The following PTPRO variants were observed in gnomAD, a reference collection of about 807,000 sequenced individuals.
The protein encoded by PTPRO is protein tyrosine phosphatase receptor type O, also known as receptor-type tyrosine-protein phosphatase O.
In PTPRO, 62 loss-of-function variants were observed where a neutral mutation model predicts 145.2. The observed-to-expected ratio is 0.43, with a 90% confidence interval of 0.35 to 0.53. The LOEUF (loss-of-function observed/expected upper bound fraction) is 0.53, where lower values mean the gene tolerates loss of function less well. PTPRO is among the 20% of genes least tolerant of loss of function. The pLI, the probability that PTPRO is intolerant of heterozygous loss-of-function variation, is 0.01. For missense variants in PTPRO, 1,345 were observed against 1,482.7 expected, an observed-to-expected ratio of 0.91 and a Z score of 1.53; for synonymous variants, 565 against 514.7, an observed-to-expected ratio of 1.10 and a Z score of -1.32.
At chr12:15,548,274 A>G (rs1270034250) in intron 13 of PTPRO, among the ~76,000 whole-genome samples, 1 of 152,200 alleles carries the variant, frequency 6.6e-6, no homozygotes, top group African/African-American at 2.4e-5. Flanking sequence ...CAGAGTTTGC[A>G]AATGTATGGT....
rs1223043007 is a variant in PTPRO at position 15,501,764 on chromosome 12, A to C, written c.806A>C (p.Glu269Ala). The change falls in exon 5 of 27, where the codon GAA (glutamate) becomes GCA (alanine). Residue 269 changes from glutamate (E) to alanine (A), a missense_variant. Transcript: ENST00000281171. ...AAAGAAAAACTCTTCCATTTTACAG[A>C]AGAAACCCCTGAAATTCCCTCGGGC... ...IGKEKLFHFT[E>A]ETPEIPSGNI... is the part of the protein sequence containing the mutation. The C allele has an allele frequency of 6.2e-7, 1 of 1,614,114 alleles. No homozygotes were observed. Among genetic ancestry groups the C allele is most frequent in the East Asian group, 2.2e-5 (1 of 44,842 alleles).
intron 1 of PTPRO, among the ~76,000 whole-genome samples, chr12:15,399,848 C>T (rs148695030): frequency 0.022 from 3,255 of 151,314 alleles, 125 homozygotes; most frequent in African/African-American, 0.074. Flanking sequence ...GTCAGGGGTT[C>T]GAGACCAACC....
At chr12:15,553,543 G>A (rs1201805108) in intron 15 of PTPRO, among the ~76,000 whole-genome samples, 1 of 152,138 alleles carries the variant, frequency 6.6e-6, no homozygotes, top group Non-Finnish European at 1.5e-5. Flanking sequence ...GTAGCAGAGG[G>A]GCCGTTGTGA....
chr12:15,395,809 TCACACACACACACACA>T (rs34553766), intron 1 of PTPRO, among the ~76,000 whole-genome samples: 1 of 147,990 alleles, frequency 6.8e-6, no homozygotes, highest in South Asian at 2.2e-4. Context: ...CAATTAAAGA[TCACACACACACACACA>T]CACACACACA....
At chr12:15,493,494 G>A (rs1388695693) in intron 2 of PTPRO, among the ~76,000 whole-genome samples, 1 of 151,808 alleles carries the variant, frequency 6.6e-6, no homozygotes. Context: ...CCCAAAACAG[G>A]CAAAAGAATT....
intron 7 of PTPRO, among the ~76,000 whole-genome samples, chr12:15,514,032 AC>A: frequency 6.6e-6 from 1 of 152,346 alleles, no homozygotes; most frequent in African/African-American, 2.4e-5. Context: ...CAGCACCTTA[AC>A]CTTTTAGTTG....
intron 25 of PTPRO, among the ~76,000 whole-genome samples, chr12:15,593,141 CA>C (rs1457209397): frequency 6.6e-6 from 1 of 152,188 alleles, no homozygotes; most frequent in African/African-American, 2.4e-5. Context: ...GTGATGACCA[CA>C]AGGGGTAGCT....
At chr12:15,442,886 G>A (rs1940807831) in intron 1 of PTPRO, among the ~76,000 whole-genome samples, 1 of 150,904 alleles carries the variant, frequency 6.6e-6, no homozygotes, top group African/African-American at 2.4e-5. Context: ...TCATTAAATT[G>A]GCCATGCTGC....
At chr12:15,433,718 A>G (rs1229545463) in intron 1 of PTPRO, among the ~76,000 whole-genome samples, 1 of 152,064 alleles carries the variant, frequency 6.6e-6, no homozygotes, top group East Asian at 1.9e-4. Context: ...TGGTTTACAT[A>G]TCTGTTTTTG....
chr12:15,423,169 C>T (rs895237943), intron 1 of PTPRO, among the ~76,000 whole-genome samples: 3 of 152,068 alleles, frequency 2.0e-5, no homozygotes, highest in African/African-American at 7.2e-5. Flanking sequence ...AGCACTGAGC[C>T]CTGACCTACT....
chr12:15,509,305 G>C (rs1045101306), intron 7 of PTPRO, among the ~76,000 whole-genome samples: 8 of 149,524 alleles, frequency 5.4e-5, no homozygotes, highest in Admixed American at 2.0e-4. Flanking sequence ...TTTTTTGTTT[G>C]TTTGTTTGTT....
At chr12:15,509,099 A>T (rs896510493) in intron 7 of PTPRO, among the ~76,000 whole-genome samples, 1 of 152,244 alleles carries the variant, frequency 6.6e-6, no homozygotes, top group Admixed American at 6.5e-5. Context: ...TCTAATGAGA[A>T]CAATAGATAA....
chr12:15,346,763 G>C (rs959159226), intron 1 of PTPRO: 4 of 152,216 alleles, frequency 2.6e-5, no homozygotes, highest in African/African-American at 9.7e-5. Context: ...TAATGGAATA[G>C]AGTAACATGA....
chr12:15,592,840 G>A (rs529164028), intron 25 of PTPRO, among the ~76,000 whole-genome samples: 16 of 152,244 alleles, frequency 1.1e-4, no homozygotes, highest in South Asian at 4.1e-4. Context: ...TATTTTTATC[G>A]AATATTTTGT....
At chr12:15,547,491 G>C (rs1943326033) in intron 13 of PTPRO, among the ~76,000 whole-genome samples, 1 of 152,178 alleles carries the variant, frequency 6.6e-6, no homozygotes, top group Non-Finnish European at 1.5e-5. Flanking sequence ...TTTAAATAAT[G>C]AAGTTCATGA....
At chr12:15,454,526 A>C (rs1261868568) in intron 1 of PTPRO, among the ~76,000 whole-genome samples, 2 of 152,182 alleles carry the variant, frequency 1.3e-5, no homozygotes, top group African/African-American at 4.8e-5. Context: ...TCGTCTTCTC[A>C]CTATAATAAT....
intron 1 of PTPRO, among the ~76,000 whole-genome samples, chr12:15,447,823 C>A (rs1940940836): frequency 6.6e-6 from 1 of 152,132 alleles, no homozygotes; most frequent in Admixed American, 6.6e-5. Flanking sequence ...TGGTTTCATT[C>A]TCTGCAGATT....
At chr12:15,561,236 G>T (rs1251168169) in intron 17 of PTPRO, among the ~76,000 whole-genome samples, 1 of 151,898 alleles carries the variant, frequency 6.6e-6, no homozygotes, top group African/African-American at 2.4e-5. Context: ...ATATCTCATA[G>T]ACTGGAAAAA....
At chr12:15,488,749 A>G (rs879401243) in intron 2 of PTPRO, among the ~76,000 whole-genome samples, 1 of 152,214 alleles carries the variant, frequency 6.6e-6, no homozygotes, top group Non-Finnish European at 1.5e-5. Flanking sequence ...GGCAAAGAAT[A>G]AATTTGGCAC....
Sources: gnomAD v4.1 joint callset for allele counts (sites outside exome capture counted in the v4.1 genomes callset) on GRCh38, gnomAD v4.1.1 for gene constraint, MANE v1.5 for transcripts, NCBI Gene and HGNC (gene_info 2026-07-23, HGNC 2026-07-21) for gene names.